Variants in SPRED1 observed in about 807,000 individuals in gnomAD.
SPRED1 encodes sprouty related EVH1 domain containing 1.
Under a neutral mutation model 52.3 loss-of-function variants are expected in SPRED1, and 18 were observed. The ratio of observed to expected loss-of-function variants is 0.34; its 90% CI spans 0.24 to 0.51. SPRED1 has a LOEUF of 0.51. Among genes scored for constraint, SPRED1 ranks in the 20% least tolerant of loss-of-function variants. The pLI is 0.97. For missense variants in SPRED1, 485 were observed against 551.0 expected, an observed-to-expected ratio of 0.88 and a Z score of 1.20; for synonymous variants, 155 against 179.7, an observed-to-expected ratio of 0.86 and a Z score of 1.10.
At chr15:38,255,721 A>G (rs1235518442) in intron 1 of SPRED1, among the ~76,000 whole-genome samples, 1 of 152,182 alleles carries the variant, frequency 6.6e-6, no homozygotes, top group Non-Finnish European at 1.5e-5. Context: ...TCATGGCAGA[A>G]GCCATTAAGG....
chr15:38,344,920 A>G (rs1373606421), intron 5 of SPRED1, among the ~76,000 whole-genome samples: 2 of 152,030 alleles, frequency 1.3e-5, no homozygotes, highest in Non-Finnish European at 2.9e-5. Flanking sequence ...TGAACTTCTC[A>G]ATTTAACAGG....
intron 1 of SPRED1, among the ~76,000 whole-genome samples, chr15:38,285,473 A>G (rs1418309239): frequency 6.6e-6 from 1 of 152,214 alleles, no homozygotes. Flanking sequence ...GGAATCTGGC[A>G]TACAGAATAT....
At chr15:38,339,626 C>T (rs934383493) in intron 4 of SPRED1, 111 bp from the exon 5 acceptor site, 12 of 1,070,054 alleles carry the variant, frequency 1.1e-5, no homozygotes, top group Non-Finnish European at 1.7e-5. Flanking sequence ...GCGATGGTAG[C>T]GATATATACT....
At chr15:38,280,341 A>T (rs191147927) in intron 1 of SPRED1, among the ~76,000 whole-genome samples, 1 of 152,304 alleles carries the variant, frequency 6.6e-6, no homozygotes, top group East Asian at 1.9e-4. Context: ...CAAAAACACT[A>T]TTCAGATTCT....
At chr15:38,273,085 G>A (rs750112195) in intron 1 of SPRED1, among the ~76,000 whole-genome samples, 2 of 152,066 alleles carry the variant, frequency 1.3e-5, no homozygotes, top group African/African-American at 2.4e-5. Context: ...GGACTTAGTC[G>A]TAAATTCTTC....
At chr15:38,268,214 A>G (rs1370441927) in intron 1 of SPRED1, 1 of 152,228 alleles carries the variant, frequency 6.6e-6, no homozygotes, top group Non-Finnish European at 1.5e-5. Flanking sequence ...AGTCCCTCAC[A>G]GCTCAGCCTT....
At chr15:38,282,318 T>TACAC (rs36184596) in intron 1 of SPRED1, among the ~76,000 whole-genome samples, 181 of 59,152 alleles carry the variant, frequency 3.1e-3, no homozygotes, top group African/African-American at 7.0e-3. Flanking sequence ...CTACTAAAAA[T>TACAC]ACACACACAC....
intron 2 of SPRED1, among the ~76,000 whole-genome samples, chr15:38,303,427 T>G (rs1470184867): frequency 2.0e-5 from 3 of 152,310 alleles, no homozygotes; most frequent in Non-Finnish European, 4.4e-5. Context: ...AGTAGGACAC[T>G]TCTGTCTTAC....
chr15:38,257,393 GC>G (rs1894119451), intron 1 of SPRED1, among the ~76,000 whole-genome samples: 1 of 151,892 alleles, frequency 6.6e-6, no homozygotes, highest in Admixed American at 6.6e-5. Flanking sequence ...GAGATCATTA[GC>G]TGTATTAGAA....
intron 1 of SPRED1, among the ~76,000 whole-genome samples, chr15:38,297,122 T>G (rs1434683757): frequency 6.6e-6 from 1 of 152,202 alleles, no homozygotes; most frequent in Non-Finnish European, 1.5e-5. Flanking sequence ...TCTAGAACTG[T>G]GAGAAATAAA....
intron 1 of SPRED1, among the ~76,000 whole-genome samples, chr15:38,282,173 A>G (rs1894703946): frequency 6.6e-6 from 1 of 152,046 alleles, no homozygotes; most frequent in Admixed American, 6.5e-5. Context: ...TACATTCATT[A>G]AGTTAACATT....
chr15:38,310,153 G>GTGTTTT (rs373463622), intron 2 of SPRED1, among the ~76,000 whole-genome samples: 1,419 of 132,266 alleles, frequency 0.011, 7 homozygotes, highest in Non-Finnish European at 0.015. Flanking sequence ...GTGTGTGTGT[G>GTGTTTT]TTTGGAGACG....
chr15:38,350,440 G>A (rs527321328), intron 6 of SPRED1, among the ~76,000 whole-genome samples: 2 of 152,116 alleles, frequency 1.3e-5, no homozygotes, highest in Non-Finnish European at 2.9e-5. Flanking sequence ...AAATACAGTC[G>A]CATTACTGGA....
intron 4 of SPRED1, among the ~76,000 whole-genome samples, chr15:38,339,307 CTTT>C (rs1295616063): frequency 6.6e-6 from 1 of 152,252 alleles, no homozygotes; most frequent in African/African-American, 2.4e-5. Flanking sequence ...TGTCTTCTGT[CTTT>C]TGACTCACTG....
chr15:38,334,514 C>A (rs531332189), intron 4 of SPRED1, among the ~76,000 whole-genome samples: 1 of 152,040 alleles, frequency 6.6e-6, no homozygotes, highest in Non-Finnish European at 1.5e-5. Context: ...CTCAACTCCA[C>A]AGAACTATAT....
At chr15:38,288,753 A>G (rs1270317198) in intron 1 of SPRED1, among the ~76,000 whole-genome samples, 1 of 152,192 alleles carries the variant, frequency 6.6e-6, no homozygotes, top group African/African-American at 2.4e-5. Context: ...TTGCCAGGCT[A>G]TGCTAACTCA....
chr15:38,298,117 C>T (rs1161004287), intron 1 of SPRED1, among the ~76,000 whole-genome samples: 1 of 152,134 alleles, frequency 6.6e-6, no homozygotes, highest in Non-Finnish European at 1.5e-5. Flanking sequence ...AGATGCTCAA[C>T]ATCATGAGTC....
intron 2 of SPRED1, among the ~76,000 whole-genome samples, chr15:38,306,032 C>CT (rs1289839238): frequency 2.0e-5 from 3 of 151,736 alleles, no homozygotes; most frequent in African/African-American, 7.3e-5. Flanking sequence ...CTTCTAACTT[C>CT]TGTGTTATTT....
In SPRED1 at chr15:38,291,257, G is replaced by A. The variant is rs527966083; in HGVS notation, c.33-8116G>A. ...CCAGGTCTTGCTGATGCAAGAGGTA[G>A]GTTCCCATGGTCTTGGGCATCTCTG... On this transcript the variant is annotated intron_variant, in intron 1 of 6. Coordinates refer to ENST00000299084, the MANE Select transcript of SPRED1 (RefSeq NM_152594.3). Among the ~76,000 whole-genome samples, 3 of 152,358 alleles carry A rather than the reference G, an allele frequency of 2.0e-5. No individual in the cohort carries two copies. The South Asian group carries it at 6.2e-4, about 32-fold the overall frequency.
Sources: gnomAD v4.1 joint callset for allele counts (sites outside exome capture counted in the v4.1 genomes callset) on GRCh38, gnomAD v4.1.1 for gene constraint, MANE v1.5 for transcripts, NCBI Gene and HGNC (gene_info 2026-07-23, HGNC 2026-07-21) for gene names.